R3HDM1: variants seen among roughly 807,000 people sequenced by gnomAD.
R3HDM1 encodes R3H domain-containing protein 1.
In R3HDM1, 46 loss-of-function variants were observed where a neutral mutation model predicts 141.1. The ratio of observed to expected loss-of-function variants is 0.33; its 90% confidence interval spans 0.26 to 0.42. The LOEUF (loss-of-function observed/expected upper bound fraction) is 0.42, where lower values mean the gene tolerates loss of function less well. Ranked by LOEUF, R3HDM1 falls within the 10% of genes least tolerant of loss-of-function variation. The probability of loss-of-function intolerance (pLI) is 1.00; values close to 1 mark genes in which losing one functional copy is unlikely to be tolerated. For missense variants in R3HDM1, 1,184 were observed against 1,368.3 expected (o/e 0.87, Z 2.12); for synonymous variants, 435 against 472.9 (o/e 0.92, Z 1.04).
chr2:135,532,704 T>C (rs926744889), intron 1 of R3HDM1, among the ~76,000 whole-genome samples: 1 of 152,198 alleles, frequency 6.6e-6, no homozygotes, highest in African/African-American at 2.4e-5. Flanking sequence ...CCATTTATAA[T>C]ATGTGAAACA....
chr2:135,671,433 G>A (rs1052913095), intron 19 of R3HDM1, among the ~76,000 whole-genome samples: 4 of 151,864 alleles, frequency 2.6e-5, no homozygotes, highest in Non-Finnish European at 5.9e-5. Context: ...GCAATGGCGC[G>A]ATCTCAGCTC....
intron 3 of R3HDM1, among the ~76,000 whole-genome samples, chr2:135,615,848 C>G (rs1231586782): frequency 6.6e-6 from 1 of 152,084 alleles, no homozygotes; most frequent in Admixed American, 6.5e-5. Context: ...ATTTCACTAC[C>G]AAGAAGTCAC....
chr2:135,611,610 C>T (rs1307954693), intron 3 of R3HDM1, among the ~76,000 whole-genome samples: 1 of 151,980 alleles, frequency 6.6e-6, no homozygotes, highest in Non-Finnish European at 1.5e-5. Flanking sequence ...ATTTTCAGTA[C>T]AGTAGTTTTA....
chr2:135,702,712 G>C (rs2074399524), intron 21 of R3HDM1, among the ~76,000 whole-genome samples: 1 of 151,696 alleles, frequency 6.6e-6, no homozygotes, highest in Non-Finnish European at 1.5e-5. Flanking sequence ...AGCTACTCGG[G>C]AGGCTGAGGA....
chr2:135,586,705 A>G (rs1381718601), intron 1 of R3HDM1: 1 of 985,284 alleles, frequency 1.0e-6, no homozygotes, highest in African/African-American at 1.7e-5. Context: ...TGAAAAGTAG[A>G]GTCATTTACT....
chr2:135,680,139 C>A, intron 20 of R3HDM1, 34 bp from the exon 21 acceptor site: 2 of 1,598,676 alleles, frequency 1.3e-6, no homozygotes, highest in Non-Finnish European at 1.7e-6. Flanking sequence ...TTGAAAAAAA[C>A]CTTTTTCTCT....
At chr2:135,574,654 A>G (rs1390822994) in intron 1 of R3HDM1, among the ~76,000 whole-genome samples, 1 of 152,194 alleles carries the variant, frequency 6.6e-6, no homozygotes, top group Non-Finnish European at 1.5e-5. Flanking sequence ...TCAGGGATGC[A>G]GGGCTGGCTT....
chr2:135,579,256 C>G (rs2105022745), intron 1 of R3HDM1, among the ~76,000 whole-genome samples: 1 of 152,190 alleles, frequency 6.6e-6, no homozygotes, highest in Admixed American at 6.5e-5. Context: ...TTGGAACTCC[C>G]AATGGCCCAA....
At chr2:135,550,929 A>G (rs1390062365) in intron 1 of R3HDM1, among the ~76,000 whole-genome samples, 2 of 152,206 alleles carry the variant, frequency 1.3e-5, no homozygotes, top group Non-Finnish European at 1.5e-5. Context: ...CAGACTTTGT[A>G]ATGTTCTTAG....
intron 2 of R3HDM1, among the ~76,000 whole-genome samples, chr2:135,603,912 C>A (rs1335501028): frequency 6.6e-6 from 1 of 152,166 alleles, no homozygotes; most frequent in Admixed American, 6.5e-5. Context: ...CGGCCAAGTT[C>A]TGCTGTTTTT....
At position 135,641,763 on chromosome 2, in the gene R3HDM1, G is replaced by A; in HGVS notation, c.1447G>A (p.Gly483Ser). 6.2e-7 allele frequency: 1 copy of A among 1,613,908 alleles called. No individual in the cohort carries two copies. The highest frequency in any genetic ancestry group is 8.5e-7 in the Non-Finnish European group (1 of 1,179,902). ...LPLEAAGIPP[G>S]SILINPQTGQ... ...CTTGGAAGCGGCAGGCATACCACCT[G>A]GCAGTATTCTGATCAACCCACAAAC... The change falls in exon 15 of 27, where the codon GGC becomes AGC. Residue 483 changes from glycine (G) to serine (S), a missense_variant. Transcript: ENST00000683871.
intron 1 of R3HDM1, among the ~76,000 whole-genome samples, chr2:135,561,890 A>C (rs1701873256): frequency 6.6e-6 from 1 of 152,194 alleles, no homozygotes; most frequent in South Asian, 2.1e-4. Context: ...TAAAGAATTA[A>C]CTGAATTATA....
At chr2:135,639,833 A>C (rs761792226) in intron 14 of R3HDM1, among the ~76,000 whole-genome samples, 9 of 152,348 alleles carry the variant, frequency 5.9e-5, no homozygotes, top group Non-Finnish European at 1.3e-4. Flanking sequence ...GCAGTGGCTC[A>C]TGCCTGTAAT....
At chr2:135,541,879 A>T (rs1697651453) in intron 1 of R3HDM1, among the ~76,000 whole-genome samples, 1 of 151,726 alleles carries the variant, frequency 6.6e-6, no homozygotes. Flanking sequence ...AAAGAAAGAA[A>T]GAAAGAGAAA....
intron 23 of R3HDM1, among the ~76,000 whole-genome samples, chr2:135,710,791 C>A (rs1266934807): frequency 1.3e-5 from 2 of 152,174 alleles, no homozygotes; most frequent in African/African-American, 4.8e-5. Context: ...TTTATCCTAC[C>A]TTTCCCATAT....
chr2:135,563,649 G>C (rs1007753861), intron 1 of R3HDM1, among the ~76,000 whole-genome samples: 8 of 152,054 alleles, frequency 5.3e-5, no homozygotes, highest in African/African-American at 1.7e-4. Flanking sequence ...AAAGCCCAGT[G>C]GAATACGTTT....
intron 18 of R3HDM1, among the ~76,000 whole-genome samples, chr2:135,657,662 T>C (rs2066099884): frequency 6.6e-6 from 1 of 152,086 alleles, no homozygotes; most frequent in African/African-American, 2.4e-5. Context: ...TCTCTGTTCT[T>C]TTTACAGATA....
At chr2:135,615,022 A>C (rs1299351504) in intron 3 of R3HDM1, among the ~76,000 whole-genome samples, 1 of 152,156 alleles carries the variant, frequency 6.6e-6, no homozygotes, top group African/African-American at 2.4e-5. Flanking sequence ...GTGCGCACAC[A>C]TGCTATTTTC....
At chr2:135,601,949 A>G (rs1574244119) in intron 1 of R3HDM1, among the ~76,000 whole-genome samples, 1 of 146,316 alleles carries the variant, frequency 6.8e-6, no homozygotes, top group South Asian at 2.1e-4. Context: ...GGCACAAGCC[A>G]CTGCACCCAG....
Sources: gnomAD v4.1 joint callset for allele counts (sites outside exome capture counted in the v4.1 genomes callset) on GRCh38, gnomAD v4.1.1 for gene constraint, MANE v1.5 for transcripts, NCBI Gene and HGNC (gene_info 2026-07-23, HGNC 2026-07-21) for gene names.